The following XPO1 variants were observed in gnomAD, a reference collection of about 807,000 sequenced individuals.
XPO1 encodes the protein exportin-1.
In XPO1, 5 loss-of-function variants were observed where a neutral mutation model predicts 133.3. That is an observed-to-expected ratio of 0.04 (90% confidence interval 0.02 to 0.08). The LOEUF is 0.08. Ranked by LOEUF, XPO1 falls within the 10% of genes least tolerant of loss-of-function variation. The pLI, the probability that XPO1 is intolerant of heterozygous loss-of-function variation, is 1.00. For missense variants in XPO1, 506 were observed against 1,267.5 expected (o/e 0.40, Z 9.12); for synonymous variants, 419 against 408.2 (o/e 1.03, Z -0.32).
chr2:61,535,613 C>G (rs1252586396), intron 1 of XPO1, among the ~76,000 whole-genome samples: 1 of 152,090 alleles, frequency 6.6e-6, no homozygotes, highest in Non-Finnish European at 1.5e-5. Flanking sequence ...ACGTCTGTTA[C>G]AACAGATTAG....
chr2:61,499,007 T>C, intron 7 of XPO1, 94 bp from the exon 8 acceptor site: 1 of 1,362,580 alleles, frequency 7.3e-7, no homozygotes, highest in Non-Finnish European at 9.8e-7. Flanking sequence ...TAAAGCCCAG[T>C]ACAGTGGCTC....
intron 2 of XPO1, among the ~76,000 whole-genome samples, chr2:61,529,454 A>G (rs946160177): frequency 1.4e-4 from 22 of 152,156 alleles, no homozygotes; most frequent in Admixed American, 9.8e-4. Context: ...TCAGAAGTTC[A>G]AGACCAGCCT....
intron 6 of XPO1, among the ~76,000 whole-genome samples, chr2:61,501,769 G>T: frequency 6.7e-6 from 1 of 148,974 alleles, no homozygotes; most frequent in Non-Finnish European, 1.5e-5. Flanking sequence ...ATCCAACAGA[G>T]TCCAGTCCAC....
At chr2:61,482,733 A>G (rs2104294002) in intron 22 of XPO1, 194 bp from the exon 23 acceptor site, 1 of 732,590 alleles carries the variant, frequency 1.4e-6, no homozygotes, top group South Asian at 2.1e-5. Flanking sequence ...AGCCTCCCGA[A>G]TAGGTGGGAT....
In XPO1 at chr2:61,533,778, T is replaced by A. The variant is rs746740414; in HGVS notation, c.120A>T (p.Gly40=). 1 of 1,586,584 alleles carries A rather than the reference T, an allele frequency of 6.3e-7. No homozygotes were observed. Among genetic ancestry groups the A allele is most frequent in the South Asian group, 1.2e-5 (1 of 85,156 alleles). The change falls in exon 2 of 25, where the codon GGA becomes GGT. Residue 40 remains glycine (G), a synonymous_variant. Coordinates refer to ENST00000401558, the MANE Select transcript of XPO1 (RefSeq NM_003400.4). ...NVVNCLYHGE[G]AQQRMAQEVL... ...TTTTGGTTGGCTACTTTACCTGGGC[T>A]CCTTCTCCATGGTATAAGCAATTCA...
intron 18 of XPO1, 94 bp from the exon 19 acceptor site, chr2:61,488,365 A>C: frequency 1.5e-6 from 2 of 1,351,010 alleles, no homozygotes; most frequent in Non-Finnish European, 2.0e-6. Context: ...TTTACCATTA[A>C]AAAGTTTAAA....
intron 7 of XPO1, 113 bp from the exon 8 acceptor site, chr2:61,499,026 A>G: frequency 4.8e-6 from 6 of 1,246,090 alleles, no homozygotes; most frequent in Non-Finnish European, 6.5e-6. Flanking sequence ...TCATGCCTGT[A>G]ATCGCAGAAC....
intron 2 of XPO1, among the ~76,000 whole-genome samples, chr2:61,528,550 T>C (rs1052031632): frequency 1.3e-5 from 2 of 150,914 alleles, no homozygotes; most frequent in South Asian, 2.1e-4. Context: ...GGAGAATCGC[T>C]TGAATCCAGG....
intron 12 of XPO1, 122 bp from the exon 13 acceptor site, chr2:61,493,175 C>T: frequency 1.0e-6 from 1 of 991,762 alleles, no homozygotes; most frequent in Admixed American, 2.8e-5. Flanking sequence ...TGTAGGGATT[C>T]ATGCCTATAA....
chr2:61,507,197 T>A (rs1400934920), intron 4 of XPO1, among the ~76,000 whole-genome samples: 1 of 140,904 alleles, frequency 7.1e-6, no homozygotes, highest in African/African-American at 2.7e-5. Context: ...TGAGCCAAGA[T>A]TGTGCCACTG....
At chr2:61,523,229 A>T (rs1307544452) in intron 3 of XPO1, among the ~76,000 whole-genome samples, 1 of 152,184 alleles carries the variant, frequency 6.6e-6, no homozygotes, top group Non-Finnish European at 1.5e-5. Context: ...GGTTTATTTT[A>T]TATTTTAACC....
chr2:61,531,275 C>T (rs567632018), intron 2 of XPO1, among the ~76,000 whole-genome samples: 4 of 152,268 alleles, frequency 2.6e-5, no homozygotes, highest in African/African-American at 9.6e-5. Flanking sequence ...GTTATTTCTA[C>T]GCAACTGATT....
intron 4 of XPO1, among the ~76,000 whole-genome samples, chr2:61,515,313 T>C (rs1324682308): frequency 6.6e-6 from 1 of 152,128 alleles, no homozygotes; most frequent in African/African-American, 2.4e-5. Context: ...AAAGGAAACA[T>C]GTTAAATATC....
intron 4 of XPO1, among the ~76,000 whole-genome samples, chr2:61,503,948 A>AGC (rs1221589974): frequency 6.6e-6 from 1 of 152,178 alleles, no homozygotes; most frequent in Admixed American, 6.5e-5. Flanking sequence ...GGAAGGATGA[A>AGC]GCCGGTGGAT....
rs548709915 is a variant in XPO1, at chr2:61,505,478, G to A, written c.302-3168C>T. Among the ~76,000 whole-genome samples, 8 of 149,218 alleles carry A rather than the reference G, an allele frequency of 5.4e-5. No homozygotes were observed. The South Asian group carries it at 1.7e-3, about 32-fold the overall frequency. Reference sequence around the variant, plus strand: ...GTGATCTAGGCTCACTGACACGGCCGCCTCCTGGGTTCAAGTGATTCTCCT... The same window carrying A: ...GTGATCTAGGCTCACTGACACGGCCACCTCCTGGGTTCAAGTGATTCTCCT... On this transcript the variant is annotated intron_variant, in intron 4 of 24. Transcript: ENST00000401558.
At chr2:61,504,189 TCTTTA>T (rs1314818029) in intron 4 of XPO1, among the ~76,000 whole-genome samples, 22 of 152,238 alleles carry the variant, frequency 1.4e-4, no homozygotes, top group Admixed American at 9.8e-4. Flanking sequence ...TTTCAAATGC[TCTTTA>T]CTTATGGATC....
At chr2:61,528,400 C>T (rs1025965175) in intron 2 of XPO1, among the ~76,000 whole-genome samples, 4 of 151,766 alleles carry the variant, frequency 2.6e-5, no homozygotes, top group African/African-American at 9.7e-5. Flanking sequence ...TATGGGAGGC[C>T]GAGGTGAGCA....
intron 24 of XPO1, among the ~76,000 whole-genome samples, chr2:61,479,455 C>CAAAAA (rs11439788): frequency 5.3e-5 from 8 of 150,736 alleles, no homozygotes; most frequent in African/African-American, 1.9e-4. Flanking sequence ...TGTGCCCCCC[C>CAAAAA]AAAAAAAACA....
At chr2:61,485,561 T>TGAA (rs1696651762) in intron 20 of XPO1, 1 of 311,118 alleles carries the variant, frequency 3.2e-6, no homozygotes, top group South Asian at 6.8e-5. Context: ...TTTGTAGAGA[T>TGAA]GAAGTCTCAC....
Sources: gnomAD v4.1 joint callset for allele counts (sites outside exome capture counted in the v4.1 genomes callset) on GRCh38, gnomAD v4.1.1 for gene constraint, MANE v1.5 for transcripts, NCBI Gene and HGNC (gene_info 2026-07-23, HGNC 2026-07-21) for gene names.